The following ANK1 variants were observed in gnomAD, a reference collection of about 807,000 sequenced individuals.
The protein encoded by ANK1 is ankyrin-1.
In ANK1, 51 loss-of-function variants were observed where a neutral mutation model predicts 210.4. The ratio of observed to expected loss-of-function variants is 0.24; its 90% CI spans 0.19 to 0.31. ANK1 has a LOEUF of 0.31. ANK1 is among the 10% of genes least tolerant of loss of function. ANK1 has a pLI of 1.00. For missense variants in ANK1, 2,051 were observed against 2,504.4 expected (o/e 0.82, Z 3.86); for synonymous variants, 967 against 1,025.9 (o/e 0.94, Z 1.10).
At chr8:41,896,001 C>T (rs1253751014) in intron 1 of ANK1, among the ~76,000 whole-genome samples, 1 of 152,308 alleles carries the variant, frequency 6.6e-6, no homozygotes, top group African/African-American at 2.4e-5. Flanking sequence ...GGGCAGCCCA[C>T]CACCCGCAGC....
chr8:41,744,025 A>T (rs1158418161), intron 2 of ANK1, among the ~76,000 whole-genome samples: 1 of 152,178 alleles, frequency 6.6e-6, no homozygotes, highest in Non-Finnish European at 1.5e-5. Context: ...AGCCTGGGGC[A>T]CCTTGTGCCA....
chr8:41,723,939 G>A (rs949813753), intron 7 of ANK1, among the ~76,000 whole-genome samples: 10 of 151,460 alleles, frequency 6.6e-5, no homozygotes, highest in East Asian at 1.9e-4. Context: ...ACAGGCACGC[G>A]CCACCATGCC....
chr8:41,656,286 C>T lies in ANK1; in HGVS notation c.*37-533G>A, dbSNP rs543154621. 2.2e-4 allele frequency among the ~76,000 whole-genome samples: 34 copies of T among 152,338 alleles called. No homozygotes were observed. The South Asian group carries it at 6.2e-3, about 28-fold the overall frequency. On this transcript the variant is annotated intron_variant, in intron 42 of 42. Transcript: ENST00000289734. ...CAGCCTTGGGAACCCAGGGATGGAGCGGATGTGCTCCCTGGCCTTGGGAGC... is the reference window on the plus strand; with the variant it reads ...CAGCCTTGGGAACCCAGGGATGGAGTGGATGTGCTCCCTGGCCTTGGGAGC...
At chr8:41,710,294 C>G (rs560304760) in intron 16 of ANK1, among the ~76,000 whole-genome samples, 2 of 152,208 alleles carry the variant, frequency 1.3e-5, no homozygotes, top group South Asian at 4.1e-4. Context: ...TTTTTATTAT[C>G]CTATTGTGTG....
Position 41,668,468 on chromosome 8 carries a change from T to A in ANK1, c.5193A>T (p.Ser1731=). ...CAGTCATGGTACTTGTTCCCTGGAA[T>A]GAGTGTGGACCTTGCGTGACCTCCT... ...WQEEVTQGPH[S]FQGTSTMTEG... is the part of the protein sequence containing the mutation. The change falls in exon 39 of 43, where the codon TCA becomes TCT. Residue 1731 remains serine, a synonymous_variant. Coordinates refer to ENST00000289734, the MANE Select transcript of ANK1 (RefSeq NM_000037.4). The A allele has an allele frequency of 1.9e-6, 3 of 1,614,222 alleles. No homozygotes were observed. The highest frequency in any genetic ancestry group is 2.5e-6 in the Non-Finnish European group (3 of 1,180,014).
upstream of ANK1, among the ~76,000 whole-genome samples, chr8:41,798,068 G>C (rs954505535): frequency 2.0e-5 from 3 of 151,980 alleles, no homozygotes; most frequent in South Asian, 4.1e-4. Flanking sequence ...TCCTAAGGAG[G>C]GGGAGGCTCT....
At chr8:41,750,433 G>T (rs564351503) in intron 2 of ANK1, among the ~76,000 whole-genome samples, 1 of 152,342 alleles carries the variant, frequency 6.6e-6, no homozygotes, top group Middle Eastern at 3.4e-3. Flanking sequence ...CTTATTGCAG[G>T]CTCATTATCC....
intron 1 of ANK1, among the ~76,000 whole-genome samples, chr8:41,794,297 T>C (rs1440541371): frequency 6.6e-6 from 1 of 152,170 alleles, no homozygotes; most frequent in East Asian, 1.9e-4. Context: ...TCACTCTGCT[T>C]CAACCACACT....
chr8:41,704,332 A>C lies in ANK1; in HGVS notation c.2196+42T>G. Reference sequence around the variant, plus strand: ...CTGGCTTTACCCTGATGTGGCATGGAGAAGGGTCAGTGCAGGAGTCGGGGC... The same window carrying C: ...CTGGCTTTACCCTGATGTGGCATGGCGAAGGGTCAGTGCAGGAGTCGGGGC... On this transcript the variant is annotated intron_variant, in intron 19 of 42. Coordinates refer to ENST00000289734, the MANE Select transcript of ANK1 (RefSeq NM_000037.4). This position sits in a 1 kb window ranked among gnomAD's most constrained non-coding sequence, Gnocchi z 4.1. 1 of 1,572,928 alleles carries C rather than the reference A, an allele frequency of 6.4e-7. No homozygotes were observed. Among genetic ancestry groups the C allele is most frequent in the East Asian group, 2.2e-5 (1 of 44,656 alleles).
rs1286560913 is a variant in ANK1 at position 41,703,422 on chromosome 8, G to GTGTGTATATA, written c.2295+618_2295+619insTATATACACA. 4.7e-3 allele frequency among the ~76,000 whole-genome samples: 251 copies of GTGTGTATATA among 53,620 alleles called. 1 individual carries two copies. Among genetic ancestry groups the GTGTGTATATA allele is most frequent in the Non-Finnish European group, 6.2e-3 (177 of 28,704 alleles). The allele number at this position is 53,620 out of a possible 152,430, so 35.2% of individuals were successfully genotyped here. ...TATATGTGTGTGTGTGTGTGTGTGT[G>GTGTGTATATA]TATATATATATATATATATATATAT... is the stretch of plus-strand genomic sequence containing the variant. On this transcript the variant is annotated intron_variant, in intron 20 of 42. Transcript: ENST00000289734.
intron 1 of ANK1, among the ~76,000 whole-genome samples, chr8:41,862,660 CAAAAAAAAAA>C (rs60114930): frequency 1.0e-5 from 1 of 99,640 alleles, no homozygotes; most frequent in African/African-American, 3.6e-5. Context: ...GAGGCTCAGA[CAAAAAAAAAA>C]AAAAAAAAAG....
intron 39 of ANK1, chr8:41,665,342 G>T (rs150848796): frequency 0.019 from 24,560 of 1,263,218 alleles, 305 homozygotes; most frequent in Middle Eastern, 0.037. Context: ...GTCCAACCGG[G>T]CTAGAAGGAA....
At chr8:41,764,475 C>T (rs1370298388) in intron 1 of ANK1, among the ~76,000 whole-genome samples, 1 of 152,220 alleles carries the variant, frequency 6.6e-6, no homozygotes, top group African/African-American at 2.4e-5. Flanking sequence ...ACAAACCTGA[C>T]CATCTCTGGG....
intron 38 of ANK1, 131 bp from the exon 39 acceptor site, chr8:41,668,695 T>C: frequency 9.7e-7 from 1 of 1,032,802 alleles, no homozygotes; most frequent in Non-Finnish European, 1.4e-6. Flanking sequence ...CAGACCGTCC[T>C]CCCATCCCTC....
intron 42 of ANK1, among the ~76,000 whole-genome samples, chr8:41,659,900 C>T (rs1438711259): frequency 6.6e-6 from 1 of 152,102 alleles, no homozygotes; most frequent in Non-Finnish European, 1.5e-5. Flanking sequence ...CTCCCTCCTT[C>T]CCCCTAGCCT....
intron 1 of ANK1, among the ~76,000 whole-genome samples, chr8:41,781,920 C>T (rs574148169): frequency 6.6e-6 from 1 of 152,290 alleles, no homozygotes; most frequent in Non-Finnish European, 1.5e-5. Flanking sequence ...CTGCTGGCGG[C>T]TCCCCTGCTG....
chr8:41,794,898 G>A (rs1848466886), intron 1 of ANK1, among the ~76,000 whole-genome samples: 1 of 152,054 alleles, frequency 6.6e-6, no homozygotes, highest in South Asian at 2.1e-4. Flanking sequence ...CAGAGGCGGG[G>A]TTTCACCATA....
At chr8:41,780,497 C>T (rs1213044892) in intron 1 of ANK1, among the ~76,000 whole-genome samples, 1 of 152,244 alleles carries the variant, frequency 6.6e-6, no homozygotes, top group Non-Finnish European at 1.5e-5. Flanking sequence ...GAGACGTCCT[C>T]CTCTGCCCAC....
intron 1 of ANK1, among the ~76,000 whole-genome samples, chr8:41,881,439 G>C (rs2150831635): frequency 6.6e-6 from 1 of 152,300 alleles, no homozygotes; most frequent in South Asian, 2.1e-4. Flanking sequence ...GTCTGTATCT[G>C]TATCTATGGG....
Sources: allele counts gnomAD v4.1 joint callset (sites outside exome capture counted in the v4.1 genomes callset), GRCh38; gene constraint gnomAD v4.1.1; non-coding constraint Gnocchi (gnomAD v3.1); transcripts MANE v1.5; gene names NCBI Gene and HGNC (gene_info 2026-07-23, HGNC 2026-07-21).